The following REDIC1 variants were observed in gnomAD, a reference collection of about 807,000 sequenced individuals.
REDIC1 encodes the protein regulator of DNA class I crossover intermediates 1.
the REDIC1 span, among the ~76,000 whole-genome samples, chr12:39,851,538 A>C: frequency 6.6e-6 from 1 of 152,288 alleles, no homozygotes; most frequent in African/African-American, 2.4e-5. Context: ...CCATTTCAAA[A>C]ATGTTTGGTC....
the REDIC1 span, among the ~76,000 whole-genome samples, chr12:39,799,578 A>C: frequency 6.6e-6 from 1 of 152,204 alleles, no homozygotes; most frequent in African/African-American, 2.4e-5. Context: ...CCAAAAAAAC[A>C]AAAGCAAAAA....
chr12:39,634,630 AT>A, the REDIC1 span, among the ~76,000 whole-genome samples: 2 of 152,192 alleles, frequency 1.3e-5, no homozygotes, highest in Non-Finnish European at 2.9e-5. Context: ...GTATACTAAT[AT>A]TAACTCAAGG....
the REDIC1 span, among the ~76,000 whole-genome samples, chr12:39,790,122 GTGTTC>G: frequency 2.6e-5 from 1 of 37,978 alleles, no homozygotes; most frequent in Admixed American, 4.7e-4. Context: ...GCATTCTTTT[GTGTTC>G]TTTTTTTTTT....
the REDIC1 span, among the ~76,000 whole-genome samples, chr12:39,879,232 C>G: frequency 6.6e-6 from 1 of 152,242 alleles, no homozygotes; most frequent in African/African-American, 2.4e-5. Context: ...CAGAGAACCC[C>G]TACTAGGGAA....
the REDIC1 span, among the ~76,000 whole-genome samples, chr12:39,867,414 G>A: frequency 6.6e-6 from 1 of 151,844 alleles, no homozygotes; most frequent in Non-Finnish European, 1.5e-5. Flanking sequence ...TTGAATGGAT[G>A]GGCCACCATA....
chr12:39,843,707 G>A, the REDIC1 span, among the ~76,000 whole-genome samples: 2 of 152,068 alleles, frequency 1.3e-5, no homozygotes, highest in African/African-American at 2.4e-5. Context: ...GCCTTGAAGT[G>A]AGAGGTGGCA....
At chr12:39,688,741 C>T in the REDIC1 span, among the ~76,000 whole-genome samples, 1 of 151,968 alleles carries the variant, frequency 6.6e-6, no homozygotes. Flanking sequence ...TGAAGTTTTA[C>T]AATAGCAGTA....
At chr12:39,801,713 T>C in the REDIC1 span, among the ~76,000 whole-genome samples, 2 of 152,340 alleles carry the variant, frequency 1.3e-5, no homozygotes, top group East Asian at 3.9e-4. Flanking sequence ...TTATTTAAAC[T>C]GTCTGGGATT....
chr12:39,705,943 C>G, the REDIC1 span, among the ~76,000 whole-genome samples: 4 of 151,766 alleles, frequency 2.6e-5, no homozygotes, highest in Admixed American at 1.3e-4. Flanking sequence ...ACATAGTACT[C>G]TAAGTTCTAC....
the REDIC1 span, among the ~76,000 whole-genome samples, chr12:39,751,384 G>GT: frequency 6.6e-6 from 1 of 152,078 alleles, no homozygotes; most frequent in East Asian, 1.9e-4. Context: ...ATGGCAATTA[G>GT]TAAGAAGTCA....
the REDIC1 span, among the ~76,000 whole-genome samples, chr12:39,707,541 A>T: frequency 6.6e-6 from 1 of 151,910 alleles, no homozygotes; most frequent in East Asian, 1.9e-4. Context: ...CAGTATATTA[A>T]AGAGCTATCT....
At chr12:39,871,669 C>A in the REDIC1 span, 2 of 882,188 alleles carry the variant, frequency 2.3e-6, no homozygotes, top group Non-Finnish European at 3.2e-6. Flanking sequence ...TCTAGAAGAA[C>A]TCTAATTTTT....
At chr12:39,677,446 C>T in the REDIC1 span, among the ~76,000 whole-genome samples, 1 of 152,022 alleles carries the variant, frequency 6.6e-6, no homozygotes. Context: ...ATTTATAAAA[C>T]AATTACCACT....
chr12:39,894,633 T>G, the REDIC1 span, among the ~76,000 whole-genome samples: 1 of 152,212 alleles, frequency 6.6e-6, no homozygotes, highest in Admixed American at 6.5e-5. Context: ...AAAATTAAAC[T>G]GATCTATTTG....
At chr12:39,809,554 G>A in the REDIC1 span, among the ~76,000 whole-genome samples, 3 of 152,154 alleles carry the variant, frequency 2.0e-5, no homozygotes, top group East Asian at 1.9e-4. Flanking sequence ...TGTGCACAAC[G>A]TGCAGGTTTG....
At chr12:39,768,295 C>T in the REDIC1 span, among the ~76,000 whole-genome samples, 55 of 152,172 alleles carry the variant, frequency 3.6e-4, no homozygotes, top group Non-Finnish European at 6.9e-4. Context: ...ATCCAGACCA[C>T]TCAAACTTTC....
the REDIC1 span, among the ~76,000 whole-genome samples, chr12:39,641,246 G>GTAT: frequency 6.6e-6 from 1 of 151,708 alleles, no homozygotes; most frequent in Non-Finnish European, 1.5e-5. Flanking sequence ...CTGAGTATTG[G>GTAT]TATTCTAATT....
At chr12:39,722,733 TA>T in the REDIC1 span, among the ~76,000 whole-genome samples, 4 of 152,108 alleles carry the variant, frequency 2.6e-5, no homozygotes, top group African/African-American at 2.4e-5. Context: ...TTCAGGGCTT[TA>T]AAAAAATGCA....
chr12:39,781,254 A>G, the REDIC1 span, among the ~76,000 whole-genome samples: 1 of 152,338 alleles, frequency 6.6e-6, no homozygotes, highest in Admixed American at 6.5e-5. Context: ...TAACAGGTCT[A>G]TTAAAATTCA....
Sources: allele counts gnomAD v4.1 joint callset (sites outside exome capture counted in the v4.1 genomes callset), GRCh38; gene constraint gnomAD v4.1.1; transcripts MANE v1.5; gene names NCBI Gene and HGNC (gene_info 2026-07-23, HGNC 2026-07-21).